Variants in TMEM71 observed in about 807,000 individuals in gnomAD.
TMEM71 encodes the protein transmembrane protein 71.
Under a neutral mutation model 38.0 loss-of-function variants are expected in TMEM71, and 44 were observed. The observed-to-expected ratio is 1.16, with a 90% confidence interval of 0.91 to 1.49. The LOEUF (loss-of-function observed/expected upper bound fraction) is 1.49, where lower values mean the gene tolerates loss of function less well. TMEM71 is among the 40% of genes most tolerant of loss of function. The pLI, the probability that TMEM71 is intolerant of heterozygous loss-of-function variation, is 0.00. For synonymous variants in TMEM71, 133 were observed against 122.5 expected (o/e 1.09, Z -0.56); for missense variants, 367 against 348.6 (o/e 1.05, Z -0.42).
downstream of TMEM71, among the ~76,000 whole-genome samples, chr8:132,707,814 G>A (rs1014407135): frequency 3.3e-5 from 5 of 151,994 alleles, no homozygotes; most frequent in East Asian, 1.9e-4. Context: ...TGTTTTTCTC[G>A]TATTTGAACA....
intron 7 of TMEM71, among the ~76,000 whole-genome samples, chr8:132,718,809 G>T (rs1362722129): frequency 6.6e-6 from 1 of 152,154 alleles, no homozygotes; most frequent in African/African-American, 2.4e-5. Context: ...TTGAATTTTT[G>T]CCAATATGAT....
At chr8:132,762,239 C>T (rs1006196906), upstream of TMEM71, among the ~76,000 whole-genome samples, 1 of 152,200 alleles carries the variant, frequency 6.6e-6, no homozygotes, top group Non-Finnish European at 1.5e-5. Flanking sequence ...TCACATCTGC[C>T]TAAATTTAAC....
At chr8:132,766,391 C>T in the TMEM71 span, among the ~76,000 whole-genome samples, 5 of 115,470 alleles carry the variant, frequency 4.3e-5, no homozygotes, top group Non-Finnish European at 4.8e-5. Flanking sequence ...AGATGTATAT[C>T]AGAAGTACAT....
upstream of TMEM71, among the ~76,000 whole-genome samples, chr8:132,762,539 T>C (rs1048232010): frequency 7.2e-5 from 11 of 152,176 alleles, no homozygotes; most frequent in Non-Finnish European, 1.3e-4. Flanking sequence ...ATCATAATAA[T>C]TGCTAACTTT....
chr8:132,713,198 T>C (rs1199096224), intron 9 of TMEM71, among the ~76,000 whole-genome samples: 1 of 151,160 alleles, frequency 6.6e-6, no homozygotes, highest in Non-Finnish European at 1.5e-5. Context: ...TACCCAGAGA[T>C]TCGATTTTCT....
At chr8:132,731,036 A>G (rs1178190825) in intron 5 of TMEM71, among the ~76,000 whole-genome samples, 2 of 152,220 alleles carry the variant, frequency 1.3e-5, no homozygotes, top group East Asian at 1.9e-4. Context: ...GGACTTTGGC[A>G]TCAGAAAGAC....
chr8:132,732,758 A>G, intron 5 of TMEM71, among the ~76,000 whole-genome samples: 1 of 152,150 alleles, frequency 6.6e-6, no homozygotes, highest in East Asian at 1.9e-4. Context: ...CCCCGGGGAC[A>G]TGGTGCAATA....
At chr8:132,734,094 T>C (rs2131092454) in intron 5 of TMEM71, among the ~76,000 whole-genome samples, 1 of 152,260 alleles carries the variant, frequency 6.6e-6, no homozygotes, top group South Asian at 2.1e-4. Flanking sequence ...CTCTACAACG[T>C]AGTACCTGTA....
chr8:132,713,200 C>T (rs767370563), intron 9 of TMEM71, among the ~76,000 whole-genome samples: 1 of 151,144 alleles, frequency 6.6e-6, no homozygotes, highest in African/African-American at 2.5e-5. Flanking sequence ...CCCAGAGATT[C>T]GATTTTCTAA....
intron 6 of TMEM71, among the ~76,000 whole-genome samples, chr8:132,727,476 T>G (rs1407012768): frequency 6.6e-6 from 1 of 152,112 alleles, no homozygotes; most frequent in Non-Finnish European, 1.5e-5. Flanking sequence ...CAGGATGGTC[T>G]TGATCTCCTG....
intron 5 of TMEM71, among the ~76,000 whole-genome samples, chr8:132,733,124 G>A (rs1827551670): frequency 3.3e-5 from 5 of 152,152 alleles, no homozygotes; most frequent in Admixed American, 3.3e-4. Flanking sequence ...CATTGTTACA[G>A]AAATACAGAC....
intron 1 of TMEM71, chr8:132,759,187 T>A: frequency 3.8e-6 from 1 of 260,796 alleles, no homozygotes; most frequent in Non-Finnish European, 7.2e-6. Context: ...AATCTAGACT[T>A]AAAAAGGTTG....
intron 4 of TMEM71, among the ~76,000 whole-genome samples, chr8:132,747,339 G>C (rs1393521814): frequency 6.6e-6 from 1 of 152,172 alleles, no homozygotes; most frequent in Non-Finnish European, 1.5e-5. Flanking sequence ...TGTATTATAG[G>C]AGAAAGAAAG....
At chr8:132,706,454 A>C (rs1563738488), downstream of TMEM71, among the ~76,000 whole-genome samples, 1 of 152,298 alleles carries the variant, frequency 6.6e-6, no homozygotes, top group Non-Finnish European at 1.5e-5. Flanking sequence ...TTAAATTTTT[A>C]AAGTTGAGTT....
intron 6 of TMEM71, among the ~76,000 whole-genome samples, chr8:132,723,579 T>C (rs1450844089): frequency 6.6e-6 from 1 of 152,228 alleles, no homozygotes. Context: ...ACCTTGTTCA[T>C]ATCTCTGCTA....
At chr8:132,737,118 G>C (rs1390671134) in intron 5 of TMEM71, among the ~76,000 whole-genome samples, 1 of 151,972 alleles carries the variant, frequency 6.6e-6, no homozygotes, top group Non-Finnish European at 1.5e-5. Context: ...GAGTGACTGC[G>C]AGTGAGTATC....
the TMEM71 span, among the ~76,000 whole-genome samples, chr8:132,770,270 T>G: frequency 6.6e-6 from 1 of 152,236 alleles, no homozygotes; most frequent in Non-Finnish European, 1.5e-5. Flanking sequence ...ACAGTTGTGT[T>G]GAATATTAGT....
At chr8:132,730,972 AAC>A (rs1827422963) in intron 5 of TMEM71, among the ~76,000 whole-genome samples, 2 of 152,170 alleles carry the variant, frequency 1.3e-5, no homozygotes, top group South Asian at 4.1e-4. Context: ...GGACAGGGGA[AAC>A]AGACTATCAT....
the TMEM71 span, among the ~76,000 whole-genome samples, chr8:132,772,449 C>A: frequency 2.6e-5 from 4 of 152,144 alleles, no homozygotes; most frequent in Admixed American, 6.5e-5. Context: ...GATCAATGCA[C>A]GGCTTCACTA....
Sources: allele counts gnomAD v4.1 joint callset (sites outside exome capture counted in the v4.1 genomes callset), GRCh38; gene constraint gnomAD v4.1.1; transcripts MANE v1.5; gene names NCBI Gene and HGNC (gene_info 2026-07-23, HGNC 2026-07-21).